Variants in DYM observed in about 807,000 individuals in gnomAD.
DYM encodes dymeclin.
A neutral mutation model predicts 93.1 loss-of-function variants in DYM; 78 were observed. That is an observed-to-expected ratio of 0.84 (90% CI 0.70 to 1.01). DYM has a LOEUF of 1.01. DYM is among the 50% of genes least tolerant of loss of function. The pLI, the probability that DYM is intolerant of heterozygous loss-of-function variation, is 0.00. For missense variants in DYM, 789 were observed against 845.0 expected, an observed-to-expected ratio of 0.93 and a Z score of 0.82; for synonymous variants, 321 against 319.7, an observed-to-expected ratio of 1.00 and a Z score of -0.04.
chr18:49,454,619 G>C (rs1021080867), intron 1 of DYM, among the ~76,000 whole-genome samples: 4 of 152,116 alleles, frequency 2.6e-5, no homozygotes, highest in African/African-American at 9.7e-5. Flanking sequence ...TCTGCTGCAG[G>C]CCGGGTGCGG....
At chr18:49,126,336 A>G (rs2082823135) in intron 15 of DYM, 1 of 152,236 alleles carries the variant, frequency 6.6e-6, no homozygotes, top group African/African-American at 2.4e-5. Flanking sequence ...AAAACAAAGT[A>G]TCAAATTTTT....
intron 17 of DYM, among the ~76,000 whole-genome samples, chr18:49,050,709 T>C (rs895879986): frequency 6.6e-6 from 1 of 152,050 alleles, no homozygotes; most frequent in Non-Finnish European, 1.5e-5. Flanking sequence ...CCTGCTTCAC[T>C]AATGACCACC....
intron 13 of DYM, among the ~76,000 whole-genome samples, chr18:49,244,507 C>A (rs1415613058): frequency 6.6e-6 from 1 of 152,190 alleles, no homozygotes; most frequent in Non-Finnish European, 1.5e-5. Flanking sequence ...ATAAGAAGCA[C>A]TGGCAAAGGA....
At chr18:49,270,578 C>T (rs1035496406) in intron 11 of DYM, among the ~76,000 whole-genome samples, 1 of 151,800 alleles carries the variant, frequency 6.6e-6, no homozygotes, top group African/African-American at 2.4e-5. Context: ...GCTCTTGCCA[C>T]AAAAAATAAA....
intron 2 of DYM, among the ~76,000 whole-genome samples, chr18:49,426,188 C>A (rs1010479874): frequency 4.6e-5 from 7 of 152,014 alleles, no homozygotes; most frequent in Non-Finnish European, 8.8e-5. Context: ...AAATGTGGCA[C>A]ATATACAGCA....
At chr18:49,292,415 C>T (rs12605131) in intron 8 of DYM, among the ~76,000 whole-genome samples, 11,729 of 147,502 alleles carry the variant, frequency 0.08, 742 homozygotes, top group East Asian at 0.31. Flanking sequence ...GCCCTCCTTC[C>T]TTTTTCTGGT....
chr18:49,330,966 G>A (rs1488510963), intron 8 of DYM, among the ~76,000 whole-genome samples: 3 of 152,226 alleles, frequency 2.0e-5, no homozygotes, highest in Non-Finnish European at 1.5e-5. Context: ...CAAGTCTACT[G>A]CTTTTTGAAG....
chr18:49,080,666 G>C (rs1195624978), intron 17 of DYM, among the ~76,000 whole-genome samples: 1 of 149,738 alleles, frequency 6.7e-6, no homozygotes, highest in African/African-American at 2.5e-5. Context: ...CCTCCCGGAC[G>C]GGGCGGCTGC....
chr18:49,079,247 C>T (rs2077572531), intron 17 of DYM, among the ~76,000 whole-genome samples: 1 of 152,086 alleles, frequency 6.6e-6, no homozygotes, highest in Non-Finnish European at 1.5e-5. Flanking sequence ...ACTTCAAAAT[C>T]TTTGTTGGTT....
chr18:49,423,493 G>A (rs1157080468), intron 2 of DYM, among the ~76,000 whole-genome samples: 2 of 152,128 alleles, frequency 1.3e-5, no homozygotes, highest in African/African-American at 2.4e-5. Flanking sequence ...AACTAGAGAA[G>A]CAAGAGCAAA....
intron 17 of DYM, among the ~76,000 whole-genome samples, chr18:49,049,191 T>C (rs1473514787): frequency 6.6e-6 from 1 of 152,230 alleles, no homozygotes; most frequent in African/African-American, 2.4e-5. Context: ...GCTAATACAA[T>C]TGATTACCTA....
At chr18:49,167,362 A>T (rs2088037254) in intron 14 of DYM, among the ~76,000 whole-genome samples, 1 of 152,124 alleles carries the variant, frequency 6.6e-6, no homozygotes, top group South Asian at 2.1e-4. Flanking sequence ...AGCTGTGGAT[A>T]CTGCTTCTAG....
At chr18:49,134,218 GA>G (rs891699154) in intron 15 of DYM, among the ~76,000 whole-genome samples, 13 of 152,030 alleles carry the variant, frequency 8.6e-5, no homozygotes, top group African/African-American at 3.1e-4. Flanking sequence ...AAATGTTGGA[GA>G]AAAAAACCAA....
intron 13 of DYM, among the ~76,000 whole-genome samples, chr18:49,218,957 G>C (rs2093213407): frequency 1.3e-5 from 2 of 152,144 alleles, no homozygotes; most frequent in South Asian, 4.2e-4. Flanking sequence ...AAAAATTAAT[G>C]AATTCAGGAG....
At chr18:49,206,968 G>T (rs1245170979) in intron 14 of DYM, among the ~76,000 whole-genome samples, 1 of 152,214 alleles carries the variant, frequency 6.6e-6, no homozygotes, top group Non-Finnish European at 1.5e-5. Context: ...ACTCTGCTGG[G>T]CATCAGGGGA....
chr18:49,266,739 G>T (rs565034224), intron 11 of DYM, among the ~76,000 whole-genome samples: 1 of 152,260 alleles, frequency 6.6e-6, no homozygotes, highest in East Asian at 1.9e-4. Context: ...TTACGTCAAG[G>T]TATTCACATC....
At chr18:49,390,159 A>C (rs76819015) in intron 3 of DYM, among the ~76,000 whole-genome samples, 6 of 152,144 alleles carry the variant, frequency 3.9e-5, no homozygotes, top group Admixed American at 3.9e-4. Context: ...GGTGGCTAAC[A>C]CCTGTAATAT....
intron 16 of DYM, among the ~76,000 whole-genome samples, chr18:49,108,042 G>C (rs2081025182): frequency 6.6e-6 from 1 of 152,212 alleles, no homozygotes; most frequent in Non-Finnish European, 1.5e-5. Flanking sequence ...CTTGAGCTGT[G>C]GTGGGCTCCA....
intron 6 of DYM, 143 bp from the exon 7 acceptor site, chr18:49,333,996 A>G (rs1468892224): frequency 7.8e-6 from 7 of 894,362 alleles, no homozygotes; most frequent in African/African-American, 1.7e-5. Flanking sequence ...GTTTAATACA[A>G]AAATTAAGTC....
Sources: gnomAD v4.1 joint callset for allele counts (sites outside exome capture counted in the v4.1 genomes callset) on GRCh38, gnomAD v4.1.1 for gene constraint, MANE v1.5 for transcripts, NCBI Gene and HGNC (gene_info 2026-07-23, HGNC 2026-07-21) for gene names.